The following RGS7 variants were observed in gnomAD, a reference collection of about 807,000 sequenced individuals.
The protein encoded by RGS7 is regulator of G protein signaling 7, also known as regulator of G-protein signaling 7.
A neutral mutation model predicts 81.1 loss-of-function variants in RGS7; 27 were observed. The ratio of observed to expected loss-of-function variants is 0.33; its 90% CI spans 0.25 to 0.46. The LOEUF (loss-of-function observed/expected upper bound fraction) is 0.46. RGS7 is among the 20% of genes least tolerant of loss of function. The pLI is 1.00. For missense variants in RGS7, 396 were observed against 607.4 expected (o/e 0.65, Z 3.66); for synonymous variants, 208 against 207.7 (o/e 1.00, Z -0.01).
chr1:240,812,592 G>A (rs540103749), intron 13 of RGS7, among the ~76,000 whole-genome samples: 3 of 151,962 alleles, frequency 2.0e-5, no homozygotes, highest in Non-Finnish European at 2.9e-5. Flanking sequence ...CTGCCACTAT[G>A]CCCGGCTACT....
At chr1:241,114,366 C>T (rs945881678) in intron 2 of RGS7, among the ~76,000 whole-genome samples, 1 of 152,106 alleles carries the variant, frequency 6.6e-6, no homozygotes, top group African/African-American at 2.4e-5. Flanking sequence ...ATAAAGCTTT[C>T]CCACTCCTCT....
chr1:240,835,947 T>C (rs1694659486), intron 9 of RGS7, among the ~76,000 whole-genome samples: 1 of 152,118 alleles, frequency 6.6e-6, no homozygotes, highest in Admixed American at 6.5e-5. Context: ...TGGGAATAAA[T>C]AGGCCCAGCA....
Position 240,827,068 on chromosome 1 carries a change from C to T in RGS7, c.684+30G>A, listed in dbSNP as rs150512606. ...TCCTGTAAACAATGCAATCCATCAC[C>T]AAGATCAGCACAACAAATGACAGTT... On this transcript the variant is annotated intron_variant, in intron 10 of 18. Coordinates refer to ENST00000440928, the MANE Select transcript of RGS7 (RefSeq NM_001364886.1). 2.2e-4 allele frequency: 346 copies of T among 1,573,478 alleles called. No individual in the cohort carries two copies. In the African/African-American group the frequency reaches 3.3e-3, roughly 15 times the overall value.
At chr1:241,344,399 T>C (rs2082759340) in intron 2 of RGS7, among the ~76,000 whole-genome samples, 1 of 152,248 alleles carries the variant, frequency 6.6e-6, no homozygotes, top group African/African-American at 2.4e-5. Flanking sequence ...GGAAAATCCA[T>C]GTCCCTTTTC....
intron 4 of RGS7, among the ~76,000 whole-genome samples, chr1:240,977,048 C>G (rs1013580912): frequency 4.7e-5 from 7 of 149,092 alleles, no homozygotes; most frequent in Non-Finnish European, 7.4e-5. Flanking sequence ...TATCATTTAT[C>G]TATTTATATC....
At chr1:241,244,704 G>C (rs866866901) in intron 2 of RGS7, among the ~76,000 whole-genome samples, 2 of 151,990 alleles carry the variant, frequency 1.3e-5, no homozygotes, top group South Asian at 2.1e-4. Context: ...TTGGAACCAA[G>C]CCAAATGTCC....
intron 9 of RGS7, among the ~76,000 whole-genome samples, chr1:240,829,376 G>A (rs1165123480): frequency 6.6e-6 from 1 of 152,130 alleles, no homozygotes; most frequent in Non-Finnish European, 1.5e-5. Flanking sequence ...TGGTTGCTGA[G>A]TATGTGATAT....
At chr1:240,780,440 A>T (rs1207279648) in intron 18 of RGS7, among the ~76,000 whole-genome samples, 8 of 82,970 alleles carry the variant, frequency 9.6e-5, no homozygotes, top group African/African-American at 8.3e-4. Flanking sequence ...ACTCTGTCTC[A>T]AAAAAAAAAA....
chr1:240,911,791 G>T (rs767092269), intron 6 of RGS7, among the ~76,000 whole-genome samples: 1 of 152,086 alleles, frequency 6.6e-6, no homozygotes, highest in Non-Finnish European at 1.5e-5. Context: ...TCATAGGGCA[G>T]GTCCTCTATC....
At chr1:240,877,953 A>C (rs1262045738) in intron 6 of RGS7, among the ~76,000 whole-genome samples, 1 of 152,186 alleles carries the variant, frequency 6.6e-6, no homozygotes, top group African/African-American at 2.4e-5. Flanking sequence ...TCAGATAGTC[A>C]GTGTACTCAA....
At chr1:240,919,022 G>A (rs535983613) in intron 6 of RGS7, among the ~76,000 whole-genome samples, 160 of 152,136 alleles carry the variant, frequency 1.1e-3, no homozygotes, top group African/African-American at 3.7e-3. Flanking sequence ...ACAATCTACT[G>A]AAACTCACAC....
At chr1:241,211,764 G>A (rs552472556) in intron 2 of RGS7, among the ~76,000 whole-genome samples, 1 of 152,318 alleles carries the variant, frequency 6.6e-6, no homozygotes, top group South Asian at 2.1e-4. Context: ...TGGTGTCATA[G>A]AAAGGAAACT....
intron 14 of RGS7, among the ~76,000 whole-genome samples, chr1:240,810,922 T>C (rs1021231473): frequency 6.6e-6 from 1 of 152,200 alleles, no homozygotes; most frequent in East Asian, 1.9e-4. Context: ...CAGCAATCCA[T>C]GCCAGGCACA....
At chr1:240,994,884 C>A (rs1238971780) in intron 3 of RGS7, among the ~76,000 whole-genome samples, 1 of 151,952 alleles carries the variant, frequency 6.6e-6, no homozygotes, top group Non-Finnish European at 1.5e-5. Flanking sequence ...TGTTGTCCAG[C>A]CAATGATCTC....
intron 14 of RGS7, among the ~76,000 whole-genome samples, chr1:240,807,366 C>A (rs1171981478): frequency 6.6e-6 from 1 of 152,140 alleles, no homozygotes; most frequent in Non-Finnish European, 1.5e-5. Flanking sequence ...ACTCTTACTG[C>A]TCTAATAGTA....
intron 3 of RGS7, among the ~76,000 whole-genome samples, chr1:240,986,391 TAAAGTTC>T (rs1202119255): frequency 2.0e-5 from 3 of 152,182 alleles, no homozygotes; most frequent in Non-Finnish European, 4.4e-5. Context: ...ACTGAGGCCA[TAAAGTTC>T]AATTCAAACA....
intron 2 of RGS7, among the ~76,000 whole-genome samples, chr1:241,317,193 C>T (rs1401347712): frequency 1.3e-5 from 2 of 152,022 alleles, no homozygotes; most frequent in Non-Finnish European, 2.9e-5. Context: ...ATGTAAACAA[C>T]CTCAAAAGCA....
At chr1:240,974,109 C>T (rs954910534) in intron 4 of RGS7, among the ~76,000 whole-genome samples, 4 of 152,118 alleles carry the variant, frequency 2.6e-5, no homozygotes, top group African/African-American at 9.7e-5. Context: ...TTAATTCATT[C>T]GGTGATAATT....
chr1:241,044,023 T>G (rs1167565960), intron 3 of RGS7, among the ~76,000 whole-genome samples: 2 of 152,186 alleles, frequency 1.3e-5, no homozygotes, highest in Admixed American at 1.3e-4. Context: ...TTGTGCTACT[T>G]GCTTTGTGAT....
Sources: allele counts gnomAD v4.1 joint callset (sites outside exome capture counted in the v4.1 genomes callset), GRCh38; gene constraint gnomAD v4.1.1; transcripts MANE v1.5; gene names NCBI Gene and HGNC (gene_info 2026-07-23, HGNC 2026-07-21).